The following RBFOX1 variants were observed in gnomAD, a reference collection of about 807,000 sequenced individuals.
The protein encoded by RBFOX1 is RNA binding protein fox-1 homolog 1.
In RBFOX1, 8 loss-of-function variants were observed where a neutral mutation model predicts 57.7. The observed-to-expected ratio is 0.14, with a 90% CI of 0.08 to 0.25. The LOEUF (loss-of-function observed/expected upper bound fraction) is 0.25. Ranked by LOEUF, RBFOX1 falls within the 10% of genes least tolerant of loss-of-function variation. RBFOX1 has a pLI of 1.00. For missense variants in RBFOX1, 611 were observed against 548.5 expected, an observed-to-expected ratio of 1.11 and a Z score of -1.14; for synonymous variants, 326 against 222.4, an observed-to-expected ratio of 1.47 and a Z score of -4.15.
intron 4 of RBFOX1, among the ~76,000 whole-genome samples, chr16:7,330,710 G>C (rs750492790): frequency 1.2e-4 from 18 of 152,010 alleles, no homozygotes; most frequent in Admixed American, 9.8e-4. Flanking sequence ...TTTGTTGCCT[G>C]AATGATGGAA....
At chr16:7,495,743 T>C (rs1029237848) in intron 4 of RBFOX1, among the ~76,000 whole-genome samples, 1 of 152,208 alleles carries the variant, frequency 6.6e-6, no homozygotes, top group Admixed American at 6.5e-5. Context: ...AGACTACACA[T>C]TGGGTACAGT....
At chr16:6,863,266 T>G (rs958276721) in intron 3 of RBFOX1, among the ~76,000 whole-genome samples, 1 of 152,146 alleles carries the variant, frequency 6.6e-6, no homozygotes, top group Non-Finnish European at 1.5e-5. Context: ...GGAGACGAAG[T>G]ATCTTCTGGA....
chr16:6,018,167 A>G (rs1217341416), upstream of RBFOX1, among the ~76,000 whole-genome samples: 6 of 151,600 alleles, frequency 4.0e-5, no homozygotes, highest in East Asian at 3.9e-4. Flanking sequence ...GAAGGGAGAA[A>G]GGAAGGAAGG....
intron 2 of RBFOX1, among the ~76,000 whole-genome samples, chr16:6,525,062 T>A (rs1470051618): frequency 6.6e-6 from 1 of 152,188 alleles, no homozygotes; most frequent in Admixed American, 6.5e-5. Context: ...GGTTACTGTT[T>A]GTACAGGACA....
chr16:5,935,849 A>T (rs979611573), intron 4 of RBFOX1, among the ~76,000 whole-genome samples: 1 of 152,128 alleles, frequency 6.6e-6, no homozygotes, highest in African/African-American at 2.4e-5. Context: ...ATGGTTCTAA[A>T]TGCCCCATTG....
chr16:6,972,057 C>T (rs927732166), intron 3 of RBFOX1, among the ~76,000 whole-genome samples: 2 of 152,082 alleles, frequency 1.3e-5, no homozygotes, highest in Non-Finnish European at 2.9e-5. Flanking sequence ...ACTTTTGTTT[C>T]CTTAACAAAG....
chr16:6,004,751 G>C (rs1278602393), intron 4 of RBFOX1, among the ~76,000 whole-genome samples: 1 of 152,134 alleles, frequency 6.6e-6, no homozygotes. Flanking sequence ...GTTCTAATAA[G>C]CTTTATTGAC....
chr16:7,520,520 T>C (rs1393455416), intron 5 of RBFOX1, among the ~76,000 whole-genome samples: 1 of 152,226 alleles, frequency 6.6e-6, no homozygotes. Context: ...GTTGTCTAGG[T>C]TCATTCATGT....
intron 2 of RBFOX1, among the ~76,000 whole-genome samples, chr16:6,348,640 A>C (rs1036585641): frequency 3.3e-5 from 5 of 152,282 alleles, no homozygotes; most frequent in African/African-American, 1.2e-4. Flanking sequence ...ACGGAAGGCA[A>C]AGCAGGAGGA....
chr16:6,166,645 C>G (rs1467316074), intron 1 of RBFOX1, among the ~76,000 whole-genome samples: 1 of 152,142 alleles, frequency 6.6e-6, no homozygotes, highest in Non-Finnish European at 1.5e-5. Context: ...GAGCATAACG[C>G]CGGTCCCTGA....
intron 1 of RBFOX1, among the ~76,000 whole-genome samples, chr16:6,080,774 G>A (rs1040590199): frequency 4.6e-5 from 7 of 152,156 alleles, no homozygotes; most frequent in African/African-American, 1.2e-4. Flanking sequence ...TTGAGGGTTC[G>A]AAACAGACTT....
At chr16:6,265,857 C>T (rs1169041945) in intron 1 of RBFOX1, among the ~76,000 whole-genome samples, 1 of 152,172 alleles carries the variant, frequency 6.6e-6, no homozygotes, top group Non-Finnish European at 1.5e-5. Context: ...TGCTCCCTCT[C>T]CTCCTCACTT....
chr16:7,027,350 C>T (rs370748830), intron 3 of RBFOX1, among the ~76,000 whole-genome samples: 3 of 152,142 alleles, frequency 2.0e-5, no homozygotes, highest in Admixed American at 1.3e-4. Context: ...GTGCCAGGAA[C>T]TGCTTAAAGT....
chr16:7,292,860 T>A (rs1265309372), intron 4 of RBFOX1, among the ~76,000 whole-genome samples: 2 of 152,102 alleles, frequency 1.3e-5, no homozygotes, highest in African/African-American at 2.4e-5. Flanking sequence ...AAAGATGGCT[T>A]GATACAAAGC....
At chr16:5,577,369 G>A (rs564891591) in intron 2 of RBFOX1, among the ~76,000 whole-genome samples, 1 of 152,142 alleles carries the variant, frequency 6.6e-6, no homozygotes. Flanking sequence ...TGGCGGGGGG[G>A]TCTCACCTCC....
At chr16:5,753,342 A>G (rs1244478892) in intron 3 of RBFOX1, among the ~76,000 whole-genome samples, 1 of 152,222 alleles carries the variant, frequency 6.6e-6, no homozygotes, top group African/African-American at 2.4e-5. Context: ...TATGAATTTT[A>G]CACTATGTGC....
chr16:6,747,642 A>G (rs886651839), intron 3 of RBFOX1, among the ~76,000 whole-genome samples: 3 of 152,156 alleles, frequency 2.0e-5, no homozygotes, highest in African/African-American at 7.2e-5. Flanking sequence ...TATAAAAAGT[A>G]AAAGTTGCTA....
chr16:7,132,255 A>G (rs1162577476), intron 4 of RBFOX1, among the ~76,000 whole-genome samples: 1 of 152,088 alleles, frequency 6.6e-6, no homozygotes, highest in East Asian at 1.9e-4. Flanking sequence ...TGCTGGGATT[A>G]CAGTCATGAG....
intron 1 of RBFOX1, among the ~76,000 whole-genome samples, chr16:5,403,017 C>G (rs535575267): frequency 1.3e-5 from 2 of 152,190 alleles, no homozygotes; most frequent in African/African-American, 4.8e-5. Context: ...CATGCATGCA[C>G]ACACGTATAC....
Sources: allele counts gnomAD v4.1 joint callset (sites outside exome capture counted in the v4.1 genomes callset), GRCh38; gene constraint gnomAD v4.1.1; transcripts MANE v1.5; gene names NCBI Gene and HGNC (gene_info 2026-07-23, HGNC 2026-07-21).